The following LCOR variants were observed in gnomAD, a reference collection of about 807,000 sequenced individuals.
LCOR encodes the protein ligand-dependent corepressor.
A neutral mutation model predicts 64.4 loss-of-function variants in LCOR; 14 were observed. The observed-to-expected ratio is 0.22, with a 90% CI of 0.14 to 0.34. LCOR has a LOEUF of 0.34. Among genes scored for constraint, LCOR ranks in the 10% least tolerant of loss-of-function variants. The probability of loss-of-function intolerance (pLI) is 1.00; values close to 1 mark genes in which losing one functional copy is unlikely to be tolerated. For synonymous variants in LCOR, 643 were observed against 642.5 expected, an observed-to-expected ratio of 1.00 and a Z score of -0.01; for missense variants, 1,686 against 1,765.3, an observed-to-expected ratio of 0.96 and a Z score of 0.80.
In LCOR at chr10:96,939,830, G is replaced by A. The variant is rs190578162; in HGVS notation, c.-183-4283G>A. Among the ~76,000 whole-genome samples, 90 of 152,314 alleles carry A rather than the reference G, an allele frequency of 5.9e-4. 1 individual carries two copies. In the East Asian group the frequency reaches 0.016, roughly 27 times the overall value. On this transcript the variant is annotated intron_variant, in intron 4 of 7. Coordinates refer to ENST00000421806, the MANE Select transcript of LCOR (RefSeq NM_001346516.2). ...TACAAAAAATCAGCCGGGCCTGATG[G>A]CACGCGCCTGTAGTCTCAGCTACTC...
chr10:96,906,598 A>T (rs546740675), intron 2 of LCOR, among the ~76,000 whole-genome samples: 11 of 152,344 alleles, frequency 7.2e-5, no homozygotes, highest in African/African-American at 2.4e-4. Context: ...CTTTTTTCAC[A>T]CTGGTAGAAG....
At chr10:96,911,464 AAAAGG>A (rs1226173659) in intron 4 of LCOR, among the ~76,000 whole-genome samples, 3 of 152,144 alleles carry the variant, frequency 2.0e-5, no homozygotes, top group Non-Finnish European at 4.4e-5. Flanking sequence ...ATAAATAAAG[AAAAGG>A]AAAGGGTCAG....
At position 96,982,898 on chromosome 10, in the gene LCOR, C is replaced by T; in HGVS notation, c.2438C>T (p.Ser813Phe). The T allele has an allele frequency of 6.2e-7, 1 of 1,614,124 alleles. No homozygotes were observed. The highest frequency in any genetic ancestry group is 2.2e-5 in the East Asian group (1 of 44,882). The change falls in exon 8 of 8, where the codon TCT (serine) becomes TTT (phenylalanine). Residue 813 changes from serine (S) to phenylalanine (F), a missense_variant. Coordinates refer to ENST00000421806, the MANE Select transcript of LCOR (RefSeq NM_001346516.2). ...KKKGKKFPEASDRCLRSQLSD... is the reference protein window; with the variant it reads ...KKKGKKFPEAFDRCLRSQLSD... Reference sequence around the variant, plus strand: ...AAAGGTAAAAAATTCCCTGAGGCCTCTGATAGGTGCCTAAGAAGTCAACTT... The same window carrying T: ...AAAGGTAAAAAATTCCCTGAGGCCTTTGATAGGTGCCTAAGAAGTCAACTT...
intron 2 of LCOR, among the ~76,000 whole-genome samples, chr10:96,860,896 A>C (rs1343320003): frequency 6.6e-6 from 1 of 152,216 alleles, no homozygotes; most frequent in Non-Finnish European, 1.5e-5. Context: ...CAGTAAATAC[A>C]TGCCAATATC....
intron 2 of LCOR, among the ~76,000 whole-genome samples, chr10:96,856,145 G>C (rs372113513): frequency 6.9e-6 from 1 of 144,378 alleles, no homozygotes; most frequent in Non-Finnish European, 1.5e-5. Context: ...ATCTCACCTC[G>C]CTGCAACCTC....
chr10:96,899,125 T>G (rs1365730647), intron 2 of LCOR, among the ~76,000 whole-genome samples: 1 of 152,118 alleles, frequency 6.6e-6, no homozygotes. Context: ...AAATCTATGA[T>G]TGAGATGAAG....
At position 96,841,303 on chromosome 10, in the gene LCOR, A is replaced by T. The variant is rs553848441; in HGVS notation, c.-330+7824A>T. Among the ~76,000 whole-genome samples, 54 of 152,148 alleles carry T rather than the reference A, an allele frequency of 3.5e-4. 1 individual carries two copies. The highest frequency in any genetic ancestry group is 3.5e-3 in the Admixed American group (53 of 15,280). On this transcript the variant is annotated intron_variant, in intron 2 of 7. Transcript: ENST00000421806. ...GCAGAAAGTATCAGAAAATGTATTA[A>T]TGGTATCACCATCTTATATATCTGC... is the stretch of plus-strand genomic sequence containing the variant.
chr10:96,931,962 T>C (rs1165084370), intron 4 of LCOR, among the ~76,000 whole-genome samples: 3 of 152,182 alleles, frequency 2.0e-5, no homozygotes, highest in African/African-American at 7.2e-5. Context: ...GGTATAATGC[T>C]ATTGTGATCA....
intron 7 of LCOR, among the ~76,000 whole-genome samples, chr10:96,974,038 G>A (rs1490474506): frequency 6.6e-6 from 1 of 152,188 alleles, no homozygotes; most frequent in Non-Finnish European, 1.5e-5. Flanking sequence ...TGACTTGGTA[G>A]GCAAGTTAAG....
intron 4 of LCOR, among the ~76,000 whole-genome samples, chr10:96,933,719 C>T (rs965277293): frequency 6.6e-6 from 1 of 152,094 alleles, no homozygotes; most frequent in Non-Finnish European, 1.5e-5. Context: ...GGGATTTCAC[C>T]GTGTTGATCA....
chr10:96,979,942 G>A (rs781174869), intron 7 of LCOR, among the ~76,000 whole-genome samples: 10 of 152,284 alleles, frequency 6.6e-5, no homozygotes, highest in Admixed American at 2.6e-4. Context: ...TCAGGAGTTC[G>A]AGACCAGCCT....
At chr10:96,965,287 G>T (rs950702148) in intron 7 of LCOR, among the ~76,000 whole-genome samples, 1 of 151,784 alleles carries the variant, frequency 6.6e-6, no homozygotes, top group African/African-American at 2.4e-5. Flanking sequence ...GGGATTACAG[G>T]TGTGAGCCAC....
chr10:96,879,677 C>G (rs12258469), intron 2 of LCOR, among the ~76,000 whole-genome samples: 1 of 151,598 alleles, frequency 6.6e-6, no homozygotes, highest in Non-Finnish European at 1.5e-5. Context: ...GTTTTTTTTG[C>G]GACAGACTCT....
chr10:96,876,251 G>A (rs939665240), intron 2 of LCOR, among the ~76,000 whole-genome samples: 1 of 152,206 alleles, frequency 6.6e-6, no homozygotes, highest in South Asian at 2.1e-4. Flanking sequence ...GAGAGCAAGA[G>A]TGCCAGCTCA....
intron 6 of LCOR, among the ~76,000 whole-genome samples, chr10:96,950,749 A>G (rs1000941549): frequency 1.3e-5 from 2 of 152,076 alleles, no homozygotes; most frequent in South Asian, 4.1e-4. Flanking sequence ...TCAGCCAAAA[A>G]CCACAATATT....
In LCOR at chr10:96,995,607, T is replaced by G. The variant is rs1848235990; in HGVS notation, c.*10473T>G. 1 of 152,232 alleles carries G rather than the reference T, an allele frequency of 6.6e-6. No homozygotes were observed. The highest frequency in any genetic ancestry group is 1.5e-5 in the Non-Finnish European group (1 of 68,032). 9.4% of individuals were successfully genotyped at this position (152,232 alleles called of 1,614,324 possible). ...ATATAAAATTTTAAAATATATTAAG[T>G]TGCTTTAAAACAATATGTATAGCTA... On this transcript the variant is annotated 3_prime_UTR_variant, in exon 8 of 8. Coordinates refer to ENST00000421806, the MANE Select transcript of LCOR (RefSeq NM_001346516.2). This position sits in a 1 kb window ranked among gnomAD's most constrained non-coding sequence, Gnocchi z 4.2.
chr10:96,951,601 T>C lies in LCOR; in HGVS notation c.239-502T>C, dbSNP rs532907916. Reference sequence around the variant, plus strand: ...TATACATGTACTTTAATGACATAAATTTACATTTAAAAATAATTTTTATAT... The same window carrying C: ...TATACATGTACTTTAATGACATAAACTTACATTTAAAAATAATTTTTATAT... On this transcript the variant is annotated intron_variant, in intron 6 of 7. Coordinates refer to ENST00000421806, the MANE Select transcript of LCOR (RefSeq NM_001346516.2). Among the ~76,000 whole-genome samples the C allele has an allele frequency of 2.0e-5, 3 of 152,270 alleles. No homozygotes were observed. In the South Asian group the frequency reaches 6.2e-4, roughly 32 times the overall value.
chr10:96,860,465 CAAGG>C (rs1228835764), intron 2 of LCOR, among the ~76,000 whole-genome samples: 2 of 152,154 alleles, frequency 1.3e-5, no homozygotes, highest in African/African-American at 2.4e-5. Context: ...TAGGAAGAAA[CAAGG>C]AAGGATTCTT....
intron 2 of LCOR, among the ~76,000 whole-genome samples, chr10:96,873,390 T>G (rs895914511): frequency 1.3e-5 from 2 of 152,160 alleles, no homozygotes; most frequent in Non-Finnish European, 2.9e-5. Flanking sequence ...AACATTTCTT[T>G]TCATCACTTT....
Sources: gnomAD v4.1 joint callset for allele counts (sites outside exome capture counted in the v4.1 genomes callset) on GRCh38, gnomAD v4.1.1 for gene constraint, Gnocchi (gnomAD v3.1) non-coding constraint, MANE v1.5 for transcripts, NCBI Gene and HGNC (gene_info 2026-07-23, HGNC 2026-07-21) for gene names.